SAV1: variants seen among roughly 807,000 people sequenced by gnomAD.
The protein encoded by SAV1 is protein salvador homolog 1.
A neutral mutation model predicts 47.3 loss-of-function variants in SAV1; 23 were observed. The ratio of observed to expected loss-of-function variants is 0.49; its 90% CI spans 0.35 to 0.69. The LOEUF (loss-of-function observed/expected upper bound fraction) is 0.69, where lower values mean the gene tolerates loss of function less well. SAV1 is among the 30% of genes least tolerant of loss of function. The probability of loss-of-function intolerance (pLI) is 0.01; values close to 1 mark genes in which losing one functional copy is unlikely to be tolerated. For synonymous variants in SAV1, 155 were observed against 159.2 expected (o/e 0.97, Z 0.20); for missense variants, 448 against 457.4 (o/e 0.98, Z 0.19).
chr14:50,667,809 C>T, intron 1 of SAV1, 65 bp downstream of exon 1: 2 of 1,393,296 alleles, frequency 1.4e-6, no homozygotes, highest in Non-Finnish European at 2.0e-6. Context: ...CCGGCGCCCC[C>T]GCCAGGGTCC....
Position 50,648,224 on chromosome 14 carries a change from T to C in SAV1, c.536-3210A>G, listed in dbSNP as rs147964733. On this transcript the variant is annotated intron_variant, in intron 2 of 4. Coordinates refer to ENST00000324679, the MANE Select transcript of SAV1 (RefSeq NM_021818.4). ...TACAAATTGTACAGTTCCATTTTTA[T>C]GAGATTCTTCCAAACACAAAACTAC... is the stretch of plus-strand genomic sequence containing the variant. Among the ~76,000 whole-genome samples, 14 of 152,338 alleles carry C rather than the reference T, an allele frequency of 9.2e-5. No homozygotes were observed. In the East Asian group the frequency reaches 2.7e-3, roughly 29 times the overall value.
intron 2 of SAV1, 189 bp downstream of exon 2, chr14:50,664,990 T>G: frequency 1.6e-6 from 1 of 615,264 alleles, no homozygotes; most frequent in Non-Finnish European, 2.5e-6. Context: ...AAATAAATGG[T>G]CACAAGGACT....
Position 50,665,571 on chromosome 14 carries a change from G to A in SAV1, c.143C>T (p.Thr48Ile). ...GCTTGAATCTGGAAGACAGATATCA[G>A]TTCGTCTTGGAATTGTTGGACCATG... is the stretch of plus-strand genomic sequence containing the variant. Reference protein sequence around the residue: ...IRHGPTIPRRTDICLPDSSPN... With the variant: ...IRHGPTIPRRIDICLPDSSPN... The change falls in exon 2 of 5, where the codon ACT (threonine) becomes ATT (isoleucine). Residue 48 changes from threonine (T) to isoleucine (I), a missense_variant. By Grantham distance (89) the Thr-to-Ile change is moderately conservative. Coordinates refer to ENST00000324679, the MANE Select transcript of SAV1 (RefSeq NM_021818.4). The A allele has an allele frequency of 6.2e-7, 1 of 1,613,564 alleles. No homozygotes were observed. The highest frequency in any genetic ancestry group is 8.5e-7 in the Non-Finnish European group (1 of 1,179,776).
At chr14:50,662,447 G>T (rs969940656) in intron 2 of SAV1, 1 of 152,162 alleles carries the variant, frequency 6.6e-6, no homozygotes, top group Non-Finnish European at 1.5e-5. Flanking sequence ...GATTACAGGC[G>T]TGAGCCACCG....
At chr14:50,656,481 C>A (rs1214260439) in intron 2 of SAV1, among the ~76,000 whole-genome samples, 2 of 138,566 alleles carry the variant, frequency 1.4e-5, no homozygotes, top group South Asian at 4.4e-4. Flanking sequence ...TCACTCTTGT[C>A]GCCCAGGTTG....
At chr14:50,658,026 C>T (rs556130805) in intron 2 of SAV1, among the ~76,000 whole-genome samples, 35 of 152,166 alleles carry the variant, frequency 2.3e-4, no homozygotes, top group African/African-American at 8.4e-4. Context: ...GTAATGGATG[C>T]TACACATTAT....
Position 50,640,776 on chromosome 14 carries a change from A to T in SAV1, c.924T>A (p.Leu308=), listed in dbSNP as rs780619454. ...TCACAGGGGCTCGTGCGTAAACCTGAAGCCAGTCAGGAATTTCTGCAGTAT... is the reference window on the plus strand; with the variant it reads ...TCACAGGGGCTCGTGCGTAAACCTGTAGCCAGTCAGGAATTTCTGCAGTAT... ...PYHTAEIPDW[L]QVYARAPVKY... Residue 308 remains leucine, a synonymous_variant, in exon 4 of 5, where the codon CTT becomes CTA. Transcript: ENST00000324679. 5 of 1,613,526 alleles carry T rather than the reference A, an allele frequency of 3.1e-6. No homozygotes were observed. Among genetic ancestry groups the T allele is most frequent in the Non-Finnish European group, 3.4e-6 (4 of 1,179,746 alleles).
chr14:50,661,055 C>T (rs2039855838), intron 2 of SAV1, among the ~76,000 whole-genome samples: 1 of 152,144 alleles, frequency 6.6e-6, no homozygotes, highest in Non-Finnish European at 1.5e-5. Context: ...TAGTGCCTGT[C>T]CTAATTATTG....
Position 50,634,887 on chromosome 14 carries a change from C to CTATTT in SAV1, c.*291_*295dup. 1 of 237,192 alleles carries CTATTT rather than the reference C, an allele frequency of 4.2e-6. No homozygotes were observed. The highest frequency in any genetic ancestry group is 7.9e-5 in the South Asian group (1 of 12,660). The allele number at this position is 237,192 out of a possible 1,614,324, so 14.7% of individuals were successfully genotyped here. A position where few individuals can be genotyped will look rare whatever the true frequency, so the allele number is the denominator to read the frequency against. Reference sequence around the variant, plus strand: ...TAAGAAGTTAACAAGTAATAATTTCCTATTTAACATCTGTTCATAATGACA... The same window carrying CTATTT: ...TAAGAAGTTAACAAGTAATAATTTCCTATTTTATTTAACATCTGTTCATAATGACA... On this transcript the variant is annotated 3_prime_UTR_variant, in exon 5 of 5. Coordinates refer to ENST00000324679, the MANE Select transcript of SAV1 (RefSeq NM_021818.4).
chr14:50,649,029 A>T (rs965684611), intron 2 of SAV1, among the ~76,000 whole-genome samples: 1 of 151,574 alleles, frequency 6.6e-6, no homozygotes, highest in Non-Finnish European at 1.5e-5. Context: ...TTAAGCTGCT[A>T]TTTTTTTTAC....
intron 2 of SAV1, among the ~76,000 whole-genome samples, chr14:50,651,845 G>C (rs2039772327): frequency 6.6e-6 from 1 of 152,000 alleles, no homozygotes; most frequent in Admixed American, 6.6e-5. Context: ...TGCCCAGGCT[G>C]GTCTCAAAAC....
chr14:50,650,993 G>A (rs1051449663), intron 2 of SAV1, among the ~76,000 whole-genome samples: 1 of 151,646 alleles, frequency 6.6e-6, no homozygotes, highest in Non-Finnish European at 1.5e-5. Flanking sequence ...CTGCACTCAA[G>A]CCTGAGCAAC....
rs533987994 is a variant in SAV1, at chr14:50,656,591, C to T, written c.535+8588G>A. On this transcript the variant is annotated intron_variant, in intron 2 of 4. Transcript: ENST00000324679. ...CTGAGTAGCTGGGACTACAGGCACCCGCCACCACACCTGGCTAATTTTTTG... is the reference window on the plus strand; with the variant it reads ...CTGAGTAGCTGGGACTACAGGCACCTGCCACCACACCTGGCTAATTTTTTG... Among the ~76,000 whole-genome samples the T allele has an allele frequency of 1.3e-4, 20 of 152,006 alleles. No homozygotes were observed. The South Asian group carries it at 2.5e-3, about 19-fold the overall frequency.
intron 2 of SAV1, among the ~76,000 whole-genome samples, chr14:50,655,575 G>C (rs1215731892): frequency 6.6e-6 from 1 of 151,914 alleles, no homozygotes; most frequent in African/African-American, 2.4e-5. Context: ...ACAGGAACCT[G>C]CCACCATGCC....
intron 2 of SAV1, among the ~76,000 whole-genome samples, chr14:50,650,419 A>T (rs1185887903): frequency 2.0e-5 from 3 of 152,232 alleles, no homozygotes; most frequent in Non-Finnish European, 4.4e-5. Context: ...TGGACAGTAC[A>T]CCACCATATA....
chr14:50,644,979 A>T lies in SAV1; in HGVS notation c.571T>A (p.Leu191Met). The T allele has an allele frequency of 1.2e-6, 2 of 1,612,890 alleles. No individual in the cohort carries two copies. The highest frequency in any genetic ancestry group is 1.1e-5 in the South Asian group (1 of 91,076). ...GRVAATSLGN[L>M]TNHGSEDLPL... is the part of the protein sequence containing the mutation. ...AAATCTTCAGAACCATGGTTAGTCA[A>T]ATTTCCTAAAGATGTAGCAGCAACT... Residue 191 changes from leucine to methionine, a missense_variant, in exon 3 of 5, where the codon TTG becomes ATG. By Grantham distance (15) the Leu-to-Met change is conservative. Transcript: ENST00000324679.
At chr14:50,647,378 T>A (rs760196556) in intron 2 of SAV1, among the ~76,000 whole-genome samples, 2 of 151,918 alleles carry the variant, frequency 1.3e-5, no homozygotes, top group Non-Finnish European at 2.9e-5. Context: ...TACAAAGAAT[T>A]CTCAAAACTC....
chr14:50,650,566 T>G (rs1016854056), intron 2 of SAV1, among the ~76,000 whole-genome samples: 1 of 152,184 alleles, frequency 6.6e-6, no homozygotes, highest in East Asian at 1.9e-4. Flanking sequence ...GATTAGGATA[T>G]AAAAGACCGT....
At chr14:50,650,290 T>C (rs1388827994) in intron 2 of SAV1, among the ~76,000 whole-genome samples, 1 of 152,212 alleles carries the variant, frequency 6.6e-6, no homozygotes, top group East Asian at 1.9e-4. Flanking sequence ...AACTGGATGA[T>C]TACACTATTA....
Sources: gnomAD v4.1 joint callset for allele counts (sites outside exome capture counted in the v4.1 genomes callset) on GRCh38, gnomAD v4.1.1 for gene constraint, MANE v1.5 for transcripts, NCBI Gene and HGNC (gene_info 2026-07-23, HGNC 2026-07-21) for gene names.